The following GALNT17 variants were observed in gnomAD, a reference collection of about 807,000 sequenced individuals.
The protein encoded by GALNT17 is UDP-GalNAc:polypeptide N-acetylgalactosaminyltransferase-like 3.
A neutral mutation model predicts 63.7 loss-of-function variants in GALNT17; 29 were observed. The observed-to-expected ratio is 0.46, with a 90% CI of 0.34 to 0.62. The LOEUF is 0.62. Ranked by LOEUF, GALNT17 falls within the 20% of genes least tolerant of loss-of-function variation. GALNT17 has a pLI of 0.01. For synonymous variants in GALNT17, 305 were observed against 318.3 expected, an observed-to-expected ratio of 0.96 and a Z score of 0.45; for missense variants, 603 against 799.6, an observed-to-expected ratio of 0.75 and a Z score of 2.97.
intron 1 of GALNT17, among the ~76,000 whole-genome samples, chr7:71,220,606 C>T (rs1274940984): frequency 6.6e-6 from 1 of 152,042 alleles, no homozygotes; most frequent in Non-Finnish European, 1.5e-5. Context: ...TCAAGTATCT[C>T]GGAATGTGTC....
At chr7:71,456,275 T>C (rs921795075) in intron 5 of GALNT17, among the ~76,000 whole-genome samples, 2 of 152,048 alleles carry the variant, frequency 1.3e-5, no homozygotes, top group Non-Finnish European at 2.9e-5. Context: ...TTGAATAGTA[T>C]GTGAGATGCC....
chr7:71,398,191 T>G (rs375461374), intron 3 of GALNT17, among the ~76,000 whole-genome samples: 2 of 152,294 alleles, frequency 1.3e-5, no homozygotes, highest in African/African-American at 4.8e-5. Flanking sequence ...TCTTGGAATT[T>G]TAATTGATAA....
chr7:71,290,330 GA>G (rs554365476), intron 1 of GALNT17, among the ~76,000 whole-genome samples: 2 of 152,160 alleles, frequency 1.3e-5, no homozygotes, highest in African/African-American at 4.8e-5. Context: ...AGAGTCTTTG[GA>G]AAGGTCTTTG....
At chr7:71,369,539 G>A (rs190791760) in intron 2 of GALNT17, among the ~76,000 whole-genome samples, 6 of 152,194 alleles carry the variant, frequency 3.9e-5, no homozygotes, top group East Asian at 3.9e-4. Flanking sequence ...TGTGCCAGGC[G>A]TGGTGGCTCA....
intron 6 of GALNT17, among the ~76,000 whole-genome samples, chr7:71,572,779 G>A (rs1247088613): frequency 2.0e-5 from 3 of 151,992 alleles, no homozygotes; most frequent in Admixed American, 2.0e-4. Flanking sequence ...TTGCAGTGAC[G>A]TGGCAGGAAA....
At chr7:71,567,185 A>C (rs1012728518) in intron 5 of GALNT17, among the ~76,000 whole-genome samples, 2 of 152,192 alleles carry the variant, frequency 1.3e-5, no homozygotes, top group African/African-American at 4.8e-5. Flanking sequence ...ACTAAAGGTC[A>C]GGCTGCTTCT....
At chr7:71,507,836 G>A (rs1462279656) in intron 5 of GALNT17, among the ~76,000 whole-genome samples, 6 of 152,174 alleles carry the variant, frequency 3.9e-5, no homozygotes, top group Admixed American at 2.6e-4. Context: ...AAGCCTAATT[G>A]TTTTAAGCAG....
At chr7:71,182,449 TGCTTCA>T (rs1788752522) in intron 1 of GALNT17, among the ~76,000 whole-genome samples, 1 of 152,226 alleles carries the variant, frequency 6.6e-6, no homozygotes, top group African/African-American at 2.4e-5. Flanking sequence ...TGAATTCTGC[TGCTTCA>T]CCTTTATGCT....
chr7:71,614,641 T>C (rs1408624839), intron 6 of GALNT17, among the ~76,000 whole-genome samples: 1 of 133,952 alleles, frequency 7.5e-6, no homozygotes, highest in African/African-American at 2.8e-5. Flanking sequence ...GAAGGGAGGG[T>C]AGGACAAAGA....
In GALNT17 at chr7:71,658,337, C is replaced by T. The variant is rs142729056; in HGVS notation, c.1081-7074C>T. Among the ~76,000 whole-genome samples the T allele has an allele frequency of 7.3e-4, 111 of 152,330 alleles. 2 individuals carry two copies. The highest frequency in any genetic ancestry group is 1.1e-3 in the Non-Finnish European group (77 of 68,030). On this transcript the variant is annotated intron_variant, in intron 6 of 10. Coordinates refer to ENST00000333538, the MANE Select transcript of GALNT17 (RefSeq NM_022479.3). ...AATCAATCCCCATTGACATTCATCT[C>T]CCATAGTGTGTCTTCTTCCAGGACA...
chr7:71,272,373 C>T (rs11762714), intron 1 of GALNT17, among the ~76,000 whole-genome samples: 120,048 of 152,120 alleles, frequency 0.79, 47,539 homozygotes, highest in East Asian at 0.93. Flanking sequence ...ATGTGGTGAG[C>T]GTATGTTTCA....
At chr7:71,350,238 A>G (rs1792166460) in intron 2 of GALNT17, among the ~76,000 whole-genome samples, 1 of 152,228 alleles carries the variant, frequency 6.6e-6, no homozygotes, top group Non-Finnish European at 1.5e-5. Flanking sequence ...ACAGATGTGT[A>G]TGACACAGTC....
At position 71,295,265 on chromosome 7, in the gene GALNT17, T is replaced by C. The variant is rs553225809; in HGVS notation, c.239-40285T>C. 7.9e-5 allele frequency among the ~76,000 whole-genome samples: 12 copies of C among 152,336 alleles called. No individual in the cohort carries two copies. In the South Asian group the frequency reaches 2.3e-3, roughly 29 times the overall value. On this transcript the variant is annotated intron_variant, in intron 1 of 10. Transcript: ENST00000333538. The stretch of plus-strand genomic sequence containing the variant: ...GTGAGCTCCTTTGCTTCTAGGTTCT[T>C]CCTTTGGACATGTCTAGAACATTTT...
At chr7:71,618,765 G>C (rs1475321533) in intron 6 of GALNT17, among the ~76,000 whole-genome samples, 2 of 152,124 alleles carry the variant, frequency 1.3e-5, no homozygotes, top group Non-Finnish European at 2.9e-5. Flanking sequence ...TAGGTTGTCT[G>C]TTTGCTCTGT....
At chr7:71,136,518 G>A (rs1482403225) in intron 1 of GALNT17, among the ~76,000 whole-genome samples, 3 of 151,924 alleles carry the variant, frequency 2.0e-5, no homozygotes, top group Non-Finnish European at 2.9e-5. Flanking sequence ...ATGGAGTCTC[G>A]CTGTGTCGCC....
chr7:71,268,846 G>T (rs1352655552), intron 1 of GALNT17, among the ~76,000 whole-genome samples: 1 of 152,122 alleles, frequency 6.6e-6, no homozygotes, highest in African/African-American at 2.4e-5. Flanking sequence ...GCAGGAGTTT[G>T]GTAGGCAGGA....
intron 9 of GALNT17, among the ~76,000 whole-genome samples, chr7:71,691,892 C>CTTCA (rs776239673): frequency 2.0e-5 from 3 of 149,426 alleles, no homozygotes; most frequent in Non-Finnish European, 4.5e-5. Flanking sequence ...TCCTTTCTTC[C>CTTCA]TTCCTTTCTC....
At chr7:71,669,560 CTTTTTT>C (rs563584462) in intron 7 of GALNT17, among the ~76,000 whole-genome samples, 3 of 125,026 alleles carry the variant, frequency 2.4e-5, no homozygotes, top group Non-Finnish European at 5.1e-5. Context: ...GGCTTAAGAT[CTTTTTT>C]TTTTTTTTTT....
intron 5 of GALNT17, 50 bp downstream of exon 5, chr7:71,421,155 T>C: frequency 1.9e-6 from 3 of 1,599,594 alleles, no homozygotes; most frequent in Non-Finnish European, 1.7e-6. Flanking sequence ...AATTCAAGGG[T>C]AAAAAGGAGC....
Sources: gnomAD v4.1 joint callset for allele counts (sites outside exome capture counted in the v4.1 genomes callset) on GRCh38, gnomAD v4.1.1 for gene constraint, MANE v1.5 for transcripts, NCBI Gene and HGNC (gene_info 2026-07-23, HGNC 2026-07-21) for gene names.